Variants in POU2F2 observed in about 807,000 individuals in gnomAD.
POU2F2 encodes POU domain, class 2, transcription factor 2.
A neutral mutation model predicts 63.5 loss-of-function variants in POU2F2; 14 were observed. The observed-to-expected ratio is 0.22, with a 90% CI of 0.15 to 0.34. The LOEUF is 0.34. Among genes scored for constraint, POU2F2 ranks in the 10% least tolerant of loss-of-function variants. The pLI, the probability that POU2F2 is intolerant of heterozygous loss-of-function variation, is 1.00. For missense variants in POU2F2, 607 were observed against 815.2 expected, an observed-to-expected ratio of 0.74 and a Z score of 3.11; for synonymous variants, 306 against 348.6, an observed-to-expected ratio of 0.88 and a Z score of 1.36.
At chr19:42,188,547 T>C (rs1444196604) in intron 1 of POU2F2, among the ~76,000 whole-genome samples, 1 of 151,044 alleles carries the variant, frequency 6.6e-6, no homozygotes, top group Non-Finnish European at 1.5e-5. Flanking sequence ...GGCAGATGCC[T>C]GTAATCCCAG....
chr19:42,132,437 G>GAAC lies in POU2F2; in HGVS notation c.-29_-27dup. 1 of 1,468,790 alleles carries GAAC rather than the reference G, an allele frequency of 6.8e-7. No individual in the cohort carries two copies. Among genetic ancestry groups the GAAC allele is most frequent in the East Asian group, 2.7e-5 (1 of 36,554 alleles). 91.0% of individuals were successfully genotyped at this position (1,468,790 alleles called of 1,614,324 possible). A position where few individuals can be genotyped will look rare whatever the true frequency, so the allele number is the denominator to read the frequency against. ...GCTGCCCGCCCCGCCAGGGCTGGGG[G>GAAC]AACAACTGTGTCATCTCCCCACCCT... On this transcript the variant is annotated 5_prime_UTR_variant, in exon 1 of 15. Transcript: ENST00000692977.
In POU2F2 at chr19:42,155,662, C is replaced by G. The variant is rs2034443805; in HGVS notation, c.-9+4670G>C. On this transcript the variant is annotated intron_variant, in intron 2 of 6. Transcript: ENST00000524801. The surrounding 1 kb of genome is among the most constrained non-coding windows in gnomAD (Gnocchi z 4.2). The stretch of plus-strand genomic sequence containing the variant: ...CCTTTCTTGTTTTTCCCTCAATCAC[C>G]TTTTATCCTCCTCTCTTTCCTACCC... 1 of 152,262 alleles carries G rather than the reference C, an allele frequency of 6.6e-6. No individual in the cohort carries two copies. Among genetic ancestry groups the G allele is most frequent in the South Asian group, 2.1e-4 (1 of 4,826 alleles). 9.4% of individuals were successfully genotyped at this position (152,262 alleles called of 1,614,324 possible).
In POU2F2 at chr19:42,153,204, T is replaced by A. The variant is rs1036623809; in HGVS notation, c.-9+7128A>T. On this transcript the variant is annotated intron_variant, in intron 2 of 6. Transcript: ENST00000524801. This position sits in a 1 kb window ranked among gnomAD's most constrained non-coding sequence, Gnocchi z 5.6. ...GCCATGGACGCAGGGTGTGCATGTG[T>A]CCTCAGGCTCTGCTGGGGGATTCTA... 6.6e-6 allele frequency among the ~76,000 whole-genome samples: 1 copy of A among 152,168 alleles called. No individual in the cohort carries two copies. The highest frequency in any genetic ancestry group is 1.5e-5 in the Non-Finnish European group (1 of 68,016).
upstream of POU2F2, among the ~76,000 whole-genome samples, chr19:42,176,452 G>T (rs1002312063): frequency 1.1e-4 from 17 of 151,860 alleles, no homozygotes; most frequent in Admixed American, 3.9e-4. Flanking sequence ...CTGCGCTCTT[G>T]ACTCCCTCCT....
At chr19:42,186,608 A>C (rs1599730723) in intron 1 of POU2F2, among the ~76,000 whole-genome samples, 1 of 152,192 alleles carries the variant, frequency 6.6e-6, no homozygotes, top group East Asian at 1.9e-4. Flanking sequence ...ATTTTTGAGA[A>C]TATGAATCTG....
chr19:42,090,581 T>G lies in POU2F2; in HGVS notation c.*676A>C, dbSNP rs1338364769. 6.6e-6 allele frequency: 1 copy of G among 152,634 alleles called. No individual in the cohort carries two copies. The highest frequency in any genetic ancestry group is 1.9e-4 in the East Asian group (1 of 5,200). 9.5% of individuals were successfully genotyped at this position (152,634 alleles called of 1,614,324 possible). ...TAGGGACACATTCTGTTGAGCACAA[T>G]GCTAAAAATTCTGTACATCCTTTGG... On this transcript the variant is annotated 3_prime_UTR_variant, in exon 15 of 15. Coordinates refer to ENST00000692977, the MANE Select transcript of POU2F2 (RefSeq NM_001394376.1). The surrounding 1 kb of genome is among the most constrained non-coding windows in gnomAD (Gnocchi z 4.4).
Position 42,091,455 on chromosome 19 carries a change from G to A in POU2F2, c.1677C>T (p.Pro559=), listed in dbSNP as rs977803989. Residue 559 remains proline, a synonymous_variant, in exon 15 of 15, where the codon CCC becomes CCT. Coordinates refer to ENST00000692977, the MANE Select transcript of POU2F2 (RefSeq NM_001394376.1). ...CCACACCAGGCGGGGTGCTGAGCAGGGGCAGCCCAGCATGATTCAAGAAGA... is the reference window on the plus strand; with the variant it reads ...CCACACCAGGCGGGGTGCTGAGCAGAGGCAGCCCAGCATGATTCAAGAAGA... The part of the protein sequence containing the change: ...SPLFLNHAGL[P]LLSTPPGVGL... 57 of 1,550,936 alleles carry A rather than the reference G, an allele frequency of 3.7e-5. No individual in the cohort carries two copies. The highest frequency in any genetic ancestry group is 1.8e-4 in the African/African-American group (13 of 73,022).
intron 1 of POU2F2, among the ~76,000 whole-genome samples, chr19:42,171,098 G>A (rs986041757): frequency 3.3e-5 from 5 of 152,244 alleles, no homozygotes; most frequent in African/African-American, 1.2e-4. Context: ...GATGTACCCT[G>A]TTGTATGACC....
At chr19:42,125,283 G>T (rs1389339869) in intron 1 of POU2F2, among the ~76,000 whole-genome samples, 2 of 151,052 alleles carry the variant, frequency 1.3e-5, no homozygotes, top group Non-Finnish European at 2.9e-5. Flanking sequence ...GGTCGCTCGA[G>T]CCCAGGAGAT....
chr19:42,141,169 G>A (rs1377685804), intron 2 of POU2F2, among the ~76,000 whole-genome samples: 2 of 152,214 alleles, frequency 1.3e-5, no homozygotes, highest in African/African-American at 4.8e-5. Flanking sequence ...TACAGACTGT[G>A]AGCTCCTTGA....
intron 5 of POU2F2, 54 bp from the exon 6 acceptor site, chr19:42,099,875 T>C (rs1055814071): frequency 4.2e-6 from 6 of 1,421,818 alleles, no homozygotes; most frequent in Non-Finnish European, 2.9e-6. Context: ...CTGGGTTTCA[T>C]CCTCTCTGCA....
chr19:42,117,496 C>T lies in POU2F2; in HGVS notation c.187-64G>A, dbSNP rs969494673. ...ATCAGGCTGGCACAGGAGGAGCAGACTGGGGTGTGGACATGAGGGTGCAGT... is the reference window on the plus strand; with the variant it reads ...ATCAGGCTGGCACAGGAGGAGCAGATTGGGGTGTGGACATGAGGGTGCAGT... On this transcript the variant is annotated intron_variant, in intron 4 of 14. Coordinates refer to ENST00000692977, the MANE Select transcript of POU2F2 (RefSeq NM_001394376.1). The surrounding 1 kb of genome is among the most constrained non-coding windows in gnomAD (Gnocchi z 4.4). 3 of 718,776 alleles carry T rather than the reference C, an allele frequency of 4.2e-6. No individual in the cohort carries two copies. Among genetic ancestry groups the T allele is most frequent in the Non-Finnish European group, 7.1e-6 (3 of 423,382 alleles). 44.5% of individuals were successfully genotyped at this position (718,776 alleles called of 1,614,324 possible).
Position 42,095,101 on chromosome 19 carries a change from T to C in POU2F2, c.1197+185A>G, listed in dbSNP as rs548799756. On this transcript the variant is annotated intron_variant, in intron 11 of 14. Transcript: ENST00000692977. This position sits in a 1 kb window ranked among gnomAD's most constrained non-coding sequence, Gnocchi z 7.1. ...TATCTAGGGGTGCTTGTATCCCCCATGTAAGACCACAGTTCCCTGGAAACC... is the reference window on the plus strand; with the variant it reads ...TATCTAGGGGTGCTTGTATCCCCCACGTAAGACCACAGTTCCCTGGAAACC... Among the ~76,000 whole-genome samples the C allele has an allele frequency of 6.6e-6, 1 of 152,156 alleles. No individual in the cohort carries two copies.
chr19:42,119,378 GT>G (rs966491556), intron 4 of POU2F2, among the ~76,000 whole-genome samples: 2 of 152,098 alleles, frequency 1.3e-5, no homozygotes, highest in African/African-American at 4.8e-5. Flanking sequence ...TTAATACAAA[GT>G]TTTTTTAAAA....
intron 1 of POU2F2, among the ~76,000 whole-genome samples, chr19:42,193,323 C>A (rs1322252229): frequency 1.3e-5 from 2 of 151,798 alleles, no homozygotes; most frequent in African/African-American, 4.8e-5. Context: ...AAGGACTTTG[C>A]AGATGTAATT....
intron 12 of POU2F2, 92 bp downstream of exon 12, chr19:42,093,737 C>T (rs1345145207): frequency 7.5e-7 from 1 of 1,325,118 alleles, no homozygotes. Flanking sequence ...AGTCTTGAGG[C>T]CCATGGACAC....
In POU2F2 at chr19:42,125,025, C is replaced by G. The variant is rs113521467; in HGVS notation, c.29-2449G>C. Among the ~76,000 whole-genome samples the G allele has an allele frequency of 2.4e-3, 369 of 152,210 alleles. 5 individuals carry two copies. The highest frequency in any genetic ancestry group is 8.4e-3 in the African/African-American group (347 of 41,546). ...AAGCTATACACTTAAAATTTGAGCA[C>G]TTTACTCTATATACGTTATGTTTTA... On this transcript the variant is annotated intron_variant, in intron 1 of 14. Transcript: ENST00000692977.
intron 1 of POU2F2, among the ~76,000 whole-genome samples, chr19:42,191,047 C>G (rs2035070021): frequency 6.8e-6 from 1 of 146,112 alleles, no homozygotes; most frequent in Non-Finnish European, 1.5e-5. Flanking sequence ...ACACTCCAAC[C>G]TGGGTGACAG....
Position 42,122,146 on chromosome 19 carries a change from G to C in POU2F2, c.166C>G (p.Pro56Ala). The C allele has an allele frequency of 6.2e-7, 1 of 1,613,562 alleles. No homozygotes were observed. The highest frequency in any genetic ancestry group is 1.1e-5 in the South Asian group (1 of 91,076). Residue 56 changes from proline (P) to alanine (A), a missense_variant, in exon 4 of 15, where the codon CCA (proline) becomes GCA (alanine). By Grantham distance (27) the Pro-to-Ala change is conservative. Transcript: ENST00000692977. ...CTTACCTTTGTACTGGGGCCAGTTG[G>C]GGACACGGAGAATGGGGAGGTCTTA... ...QNKTSPFSVSPTGPSTKVGIL... is the reference protein window; with the variant it reads ...QNKTSPFSVSATGPSTKVGIL...
Sources: gnomAD v4.1 joint callset for allele counts (sites outside exome capture counted in the v4.1 genomes callset) on GRCh38, gnomAD v4.1.1 for gene constraint, Gnocchi (gnomAD v3.1) non-coding constraint, MANE v1.5 for transcripts, NCBI Gene and HGNC (gene_info 2026-07-23, HGNC 2026-07-21) for gene names.